LRRTM4: variants seen among roughly 807,000 people sequenced by gnomAD.
The protein encoded by LRRTM4 is leucine-rich repeat transmembrane neuronal protein 4.
A neutral mutation model predicts 47.6 loss-of-function variants in LRRTM4; 25 were observed. That is an observed-to-expected ratio of 0.53 (90% CI 0.38 to 0.73). The LOEUF is 0.73. Ranked by LOEUF, LRRTM4 falls within the 30% of genes least tolerant of loss-of-function variation. The pLI is 0.00. For missense variants in LRRTM4, 638 were observed against 713.4 expected (o/e 0.89, Z 1.20); for synonymous variants, 311 against 269.5 (o/e 1.15, Z -1.51).
intron 3 of LRRTM4, among the ~76,000 whole-genome samples, chr2:77,049,762 TTTTCC>T (rs202049940): frequency 0.011 from 1,625 of 152,116 alleles, 39 homozygotes; most frequent in African/African-American, 0.037. Context: ...CTGTTTATTG[TTTTCC>T]TTGCTGTGCA....
chr2:77,377,916 A>T (rs1397280918), intron 3 of LRRTM4, among the ~76,000 whole-genome samples: 1 of 152,034 alleles, frequency 6.6e-6, no homozygotes, highest in African/African-American at 2.4e-5. Flanking sequence ...AAAAAAATCA[A>T]CCTATTAATC....
chr2:76,929,155 G>A lies in LRRTM4; in HGVS notation c.1552-180239C>T, dbSNP rs556771899. Among the ~76,000 whole-genome samples, 9 of 152,264 alleles carry A rather than the reference G, an allele frequency of 5.9e-5. No homozygotes were observed. The South Asian group carries it at 6.2e-4, about 11-fold the overall frequency. On this transcript the variant is annotated intron_variant, in intron 3 of 3. Coordinates refer to ENST00000409884, the MANE Select transcript of LRRTM4 (RefSeq NM_001134745.3). Reference sequence around the variant, plus strand: ...AGCCTCTCAGGAGGAGCTCTGGAGCGCTTCAAGGAAATAAAATTAAATTAG... The same window carrying A: ...AGCCTCTCAGGAGGAGCTCTGGAGCACTTCAAGGAAATAAAATTAAATTAG...
chr2:76,937,592 T>A (rs994058095), intron 3 of LRRTM4, among the ~76,000 whole-genome samples: 2 of 152,150 alleles, frequency 1.3e-5, no homozygotes. Context: ...GTGTGTGAAA[T>A]GAGTCTTGCT....
intron 3 of LRRTM4, among the ~76,000 whole-genome samples, chr2:77,450,657 T>G (rs1430943881): frequency 6.6e-6 from 1 of 152,090 alleles, no homozygotes; most frequent in Non-Finnish European, 1.5e-5. Context: ...TGATTCCTGA[T>G]CTGCCAAAAA....
chr2:76,958,738 TAC>T (rs1313541276), intron 3 of LRRTM4, among the ~76,000 whole-genome samples: 1 of 151,744 alleles, frequency 6.6e-6, no homozygotes, highest in Non-Finnish European at 1.5e-5. Flanking sequence ...ACTAAACTGA[TAC>T]ATAGAGTACC....
chr2:77,366,105 G>A (rs1328885234), intron 3 of LRRTM4, among the ~76,000 whole-genome samples: 1 of 151,464 alleles, frequency 6.6e-6, no homozygotes, highest in Non-Finnish European at 1.5e-5. Context: ...GAATCTCCTA[G>A]TCATAGACAA....
intron 3 of LRRTM4, among the ~76,000 whole-genome samples, chr2:77,310,991 C>T (rs1328995088): frequency 6.6e-6 from 1 of 151,238 alleles, no homozygotes; most frequent in African/African-American, 2.4e-5. Flanking sequence ...TATTTACACA[C>T]ATATATATAT....
chr2:76,938,268 C>A (rs1050404183), intron 3 of LRRTM4, among the ~76,000 whole-genome samples: 3 of 152,112 alleles, frequency 2.0e-5, no homozygotes, highest in African/African-American at 7.2e-5. Context: ...AAAAATGCAT[C>A]ATTTGGTCCT....
intron 3 of LRRTM4, among the ~76,000 whole-genome samples, chr2:77,459,161 C>T (rs1293853395): frequency 6.6e-6 from 1 of 151,872 alleles, no homozygotes; most frequent in Non-Finnish European, 1.5e-5. Context: ...CTATAAAATG[C>T]CTGAAGGGAC....
chr2:77,369,598 A>G (rs1191979790), intron 3 of LRRTM4, among the ~76,000 whole-genome samples: 1 of 151,768 alleles, frequency 6.6e-6, no homozygotes, highest in African/African-American at 2.4e-5. Context: ...TTGTTCCACT[A>G]TAGAAGCCAT....
At chr2:77,030,235 A>G (rs955518027) in intron 3 of LRRTM4, among the ~76,000 whole-genome samples, 5 of 152,110 alleles carry the variant, frequency 3.3e-5, no homozygotes, top group African/African-American at 1.2e-4. Context: ...GATCGAGACC[A>G]TCCTGGCTAA....
At chr2:77,292,180 T>G (rs1168109283) in intron 3 of LRRTM4, among the ~76,000 whole-genome samples, 1 of 150,080 alleles carries the variant, frequency 6.7e-6, no homozygotes, top group African/African-American at 2.4e-5. Context: ...TGGCAATCAT[T>G]AAAAAGTCAG....
intron 3 of LRRTM4, among the ~76,000 whole-genome samples, chr2:76,786,240 G>T (rs191613489): frequency 5.9e-4 from 89 of 151,974 alleles, no homozygotes; most frequent in Non-Finnish European, 7.7e-4. Context: ...TAAAAATAAG[G>T]CACACTTACA....
intron 3 of LRRTM4, among the ~76,000 whole-genome samples, chr2:77,012,019 G>A (rs1250634167): frequency 6.6e-6 from 1 of 152,038 alleles, no homozygotes; most frequent in African/African-American, 2.4e-5. Flanking sequence ...TTTGAAGCCT[G>A]CATCAAACTT....
At chr2:77,058,919 TG>T (rs1238316844) in intron 3 of LRRTM4, among the ~76,000 whole-genome samples, 1 of 152,110 alleles carries the variant, frequency 6.6e-6, no homozygotes, top group African/African-American at 2.4e-5. Context: ...GATTTTAAAA[TG>T]GAGTTTCTAT....
chr2:77,073,720 ACT>A (rs1280509746), intron 3 of LRRTM4, among the ~76,000 whole-genome samples: 1 of 150,710 alleles, frequency 6.6e-6, no homozygotes, highest in Non-Finnish European at 1.5e-5. Flanking sequence ...GTTGCAGAAA[ACT>A]CTCATTTCCC....
intron 3 of LRRTM4, among the ~76,000 whole-genome samples, chr2:77,163,494 C>G (rs771652598): frequency 1.3e-5 from 2 of 152,044 alleles, no homozygotes; most frequent in African/African-American, 4.8e-5. Context: ...AGATACTCCT[C>G]GAGAAGAGCA....
chr2:76,967,516 G>T (rs892567752), intron 3 of LRRTM4, among the ~76,000 whole-genome samples: 1 of 151,428 alleles, frequency 6.6e-6, no homozygotes, highest in African/African-American at 2.4e-5. Context: ...TTGAAATGTG[G>T]GTTTGGGGCT....
intron 3 of LRRTM4, among the ~76,000 whole-genome samples, chr2:77,200,835 G>C (rs1478297589): frequency 6.6e-6 from 1 of 152,054 alleles, no homozygotes; most frequent in African/African-American, 2.4e-5. Context: ...CAGTAAAGGA[G>C]AGCTGCATAG....
Sources: gnomAD v4.1 joint callset for allele counts (sites outside exome capture counted in the v4.1 genomes callset) on GRCh38, gnomAD v4.1.1 for gene constraint, MANE v1.5 for transcripts, NCBI Gene and HGNC (gene_info 2026-07-23, HGNC 2026-07-21) for gene names.